The following SLC7A2 variants were observed in gnomAD, a reference collection of about 807,000 sequenced individuals.
SLC7A2 encodes solute carrier family 7 member 2, also known as cationic amino acid transporter 2.
Under a neutral mutation model 58.9 loss-of-function variants are expected in SLC7A2, and 48 were observed. The ratio of observed to expected loss-of-function variants is 0.82; its 90% CI spans 0.65 to 1.04. The LOEUF (loss-of-function observed/expected upper bound fraction) is 1.04. SLC7A2 is among the 50% of genes least tolerant of loss of function. SLC7A2 has a pLI of 0.00. For synonymous variants in SLC7A2, 363 were observed against 314.5 expected (o/e 1.15, Z -1.63); for missense variants, 1,029 against 818.8 (o/e 1.26, Z -3.13).
intron 10 of SLC7A2, among the ~76,000 whole-genome samples, chr8:17,560,882 A>T (rs116574354): frequency 0.019 from 2,878 of 152,244 alleles, 96 homozygotes; most frequent in African/African-American, 0.065. Context: ...TTGTCCAATA[A>T]TATAGAAAAT....
chr8:17,555,399 G>A (rs377214724), intron 8 of SLC7A2, among the ~76,000 whole-genome samples: 2 of 152,062 alleles, frequency 1.3e-5, no homozygotes, highest in African/African-American at 2.4e-5. Context: ...TGATGAACTA[G>A]CACACAAAAT....
intron 2 of SLC7A2, among the ~76,000 whole-genome samples, chr8:17,526,726 T>TTAG (rs1262047200): frequency 5.9e-5 from 9 of 152,030 alleles, no homozygotes; most frequent in Non-Finnish European, 1.3e-4. Flanking sequence ...CAGAAAAATT[T>TTAG]CAGCAGCGTG....
At chr8:17,536,029 C>T (rs1018892518) in intron 2 of SLC7A2, among the ~76,000 whole-genome samples, 4 of 151,956 alleles carry the variant, frequency 2.6e-5, no homozygotes, top group Non-Finnish European at 5.9e-5. Flanking sequence ...AAAATATTCC[C>T]GGTGCTTCCC....
At chr8:17,547,520 T>C (rs1246935654) in intron 4 of SLC7A2, among the ~76,000 whole-genome samples, 2 of 152,182 alleles carry the variant, frequency 1.3e-5, no homozygotes, top group African/African-American at 2.4e-5. Flanking sequence ...AGCCAAACTT[T>C]CCAGAGAATA....
At chr8:17,535,933 A>C (rs937315539) in intron 2 of SLC7A2, among the ~76,000 whole-genome samples, 3 of 152,040 alleles carry the variant, frequency 2.0e-5, no homozygotes, top group Non-Finnish European at 4.4e-5. Flanking sequence ...ATTTTTTAAC[A>C]AAAGATAGCC....
At chr8:17,521,759 G>A (rs1234067263) in intron 2 of SLC7A2, among the ~76,000 whole-genome samples, 1 of 152,228 alleles carries the variant, frequency 6.6e-6, no homozygotes, top group African/African-American at 2.4e-5. Context: ...CAGGTCTTGT[G>A]TCCGTGCCCA....
Position 17,548,701 on chromosome 8 carries a change from G to C in SLC7A2, c.556G>C (p.Glu186Gln), listed in dbSNP as rs1246968723. The C allele has an allele frequency of 5.6e-6, 9 of 1,608,732 alleles. No individual in the cohort carries two copies. Among genetic ancestry groups the C allele is most frequent in the Non-Finnish European group, 7.6e-6 (9 of 1,178,310 alleles). Reference protein sequence around the residue: ...LAGLLSFGVKESAWVNKVFTA... With the variant: ...LAGLLSFGVKQSAWVNKVFTA... The stretch of plus-strand genomic sequence containing the variant: ...AGGTCTTTTGTCTTTTGGAGTAAAA[G>C]AGTCTGCTTGGGTGAATAAAGTCTT... The change falls in exon 5 of 13, where the codon GAG becomes CAG. Residue 186 changes from glutamate (E) to glutamine (Q), a missense_variant. Coordinates refer to ENST00000494857, the MANE Select transcript of SLC7A2 (RefSeq NM_001370338.1).
intron 8 of SLC7A2, 171 bp downstream of exon 8, chr8:17,554,870 G>T: frequency 6.5e-7 from 1 of 1,535,996 alleles, no homozygotes; most frequent in Non-Finnish European, 8.8e-7. Flanking sequence ...CGTGTGTCCA[G>T]TCTTTACCTG....
intron 1 of SLC7A2, among the ~76,000 whole-genome samples, chr8:17,501,751 G>A (rs1358622958): frequency 1.3e-5 from 2 of 151,960 alleles, no homozygotes; most frequent in Admixed American, 1.3e-4. Context: ...AAAAATGAAA[G>A]CAATACCCAC....
intron 1 of SLC7A2, among the ~76,000 whole-genome samples, chr8:17,498,352 T>G (rs1415781902): frequency 6.6e-6 from 1 of 152,256 alleles, no homozygotes; most frequent in Non-Finnish European, 1.5e-5. Flanking sequence ...GAGCTAGTCT[T>G]TAAAAGTTAA....
At chr8:17,544,641 G>A (rs1326251575) in intron 4 of SLC7A2, 35 bp downstream of exon 4, 1 of 1,594,910 alleles carries the variant, frequency 6.3e-7, no homozygotes, top group Admixed American at 1.7e-5. Context: ...TGCAGAATGA[G>A]CCACACTATT....
chr8:17,562,024 C>T lies in SLC7A2; in HGVS notation c.1585C>T (p.Leu529Phe), dbSNP rs774741704. Residue 529 changes from leucine to phenylalanine, a missense_variant, in exon 11 of 13, where the codon CTC becomes TTC. Physicochemically the swap from Leu to Phe is conservative, Grantham distance 22. Transcript: ENST00000494857. ...CAGGCTGGAGGCCTGGAGCCTCGCT[C>T]TCCTCGCGCTGTTTCTTGTTCTCTT... The part of the protein sequence containing the change: ...ITRLEAWSLA[L>F]LALFLVLFVA... 1 of 1,614,096 alleles carries T rather than the reference C, an allele frequency of 6.2e-7. No individual in the cohort carries two copies. Among genetic ancestry groups the T allele is most frequent in the South Asian group, 1.1e-5 (1 of 91,080 alleles).
chr8:17,569,440 A>G lies in SLC7A2; in HGVS notation c.*4294A>G, dbSNP rs1397839098. ...GTCCTTAAATATCAAGGGGGAAAGT[A>G]TGGATATTCGCGTAGCAATAATGCC... On this transcript the variant is annotated 3_prime_UTR_variant, in exon 13 of 13. Transcript: ENST00000494857. 1 of 152,216 alleles carries G rather than the reference A, an allele frequency of 6.6e-6. No individual in the cohort carries two copies. Among genetic ancestry groups the G allele is most frequent in the Non-Finnish European group, 1.5e-5 (1 of 68,048 alleles). The allele number at this position is 152,216 out of a possible 1,614,324, so 9.4% of individuals were successfully genotyped here.
chr8:17,518,290 C>G (rs34309110), intron 2 of SLC7A2, among the ~76,000 whole-genome samples: 5,696 of 151,560 alleles, frequency 0.038, 127 homozygotes, highest in East Asian at 0.11. Context: ...CTGAGTTTCT[C>G]TTCAGTGTGC....
intron 2 of SLC7A2, among the ~76,000 whole-genome samples, chr8:17,536,061 C>T (rs1309866644): frequency 1.3e-5 from 2 of 150,936 alleles, no homozygotes; most frequent in African/African-American, 4.9e-5. Context: ...TCCTCCATTA[C>T]ATGAATTATC....
chr8:17,541,924 T>A (rs1291187112), intron 2 of SLC7A2, among the ~76,000 whole-genome samples: 1 of 152,208 alleles, frequency 6.6e-6, no homozygotes, highest in Non-Finnish European at 1.5e-5. Flanking sequence ...TTTTCAGTGT[T>A]AGATTGTTTA....
At chr8:17,538,767 T>C in intron 2 of SLC7A2, 1 of 1,607,190 alleles carries the variant, frequency 6.2e-7, no homozygotes, top group Non-Finnish European at 8.5e-7. Flanking sequence ...ATTACTTTTT[T>C]TTCCATCAGT....
At chr8:17,549,469 A>G (rs1032760888) in intron 5 of SLC7A2, among the ~76,000 whole-genome samples, 2 of 152,216 alleles carry the variant, frequency 1.3e-5, no homozygotes, top group East Asian at 1.9e-4. Flanking sequence ...TTAGGGAAAG[A>G]GCAAGGGAAG....
At chr8:17,494,927 G>T (rs1799920088), upstream of SLC7A2, among the ~76,000 whole-genome samples, 1 of 152,196 alleles carries the variant, frequency 6.6e-6, no homozygotes, top group East Asian at 1.9e-4. Flanking sequence ...CTTGCTTCAG[G>T]AAGTGCGCCG....
Sources: allele counts gnomAD v4.1 joint callset (sites outside exome capture counted in the v4.1 genomes callset), GRCh38; gene constraint gnomAD v4.1.1; transcripts MANE v1.5; gene names NCBI Gene and HGNC (gene_info 2026-07-23, HGNC 2026-07-21).